JAK1: variants seen among roughly 807,000 people sequenced by gnomAD.
JAK1 encodes tyrosine-protein kinase JAK1.
A neutral mutation model predicts 136.6 loss-of-function variants in JAK1; 16 were observed. The ratio of observed to expected loss-of-function variants is 0.12; its 90% CI spans 0.08 to 0.18. JAK1 has a LOEUF of 0.18. Ranked by LOEUF, JAK1 falls within the 10% of genes least tolerant of loss-of-function variation. The pLI is 1.00. For synonymous variants in JAK1, 492 were observed against 519.5 expected (o/e 0.95, Z 0.72); for missense variants, 859 against 1,450.1 (o/e 0.59, Z 6.62).
intron 2 of JAK1, among the ~76,000 whole-genome samples, chr1:65,014,140 T>C (rs1468222058): frequency 6.6e-6 from 1 of 152,034 alleles, no homozygotes; most frequent in African/African-American, 2.4e-5. Flanking sequence ...AGAAATACAA[T>C]ATATGAAAGA....
chr1:64,896,316 T>C (rs1645012825), intron 1 of JAK1, among the ~76,000 whole-genome samples: 1 of 152,250 alleles, frequency 6.6e-6, no homozygotes, highest in East Asian at 1.9e-4. Flanking sequence ...AGTATCAAAC[T>C]ATTTAGTGGC....
intron 2 of JAK1, chr1:64,979,975 T>TCTTCC (rs1182386898): frequency 6.6e-6 from 1 of 152,184 alleles, no homozygotes; most frequent in Admixed American, 6.5e-5. Flanking sequence ...ACGTGTATTG[T>TCTTCC]CTTCCCTCAA....
chr1:64,938,764 T>C lies in JAK1; in HGVS notation c.-78+27569A>G, dbSNP rs534163151. On this transcript the variant is annotated intron_variant, in intron 1 of 24. Coordinates refer to ENST00000342505, the MANE Select transcript of JAK1 (RefSeq NM_002227.4). Reference sequence around the variant, plus strand: ...AAAGAAACTGAGAAATGCCTCCTCATGAAGTCTCTCTTAATATTTTATGTC... The same window carrying C: ...AAAGAAACTGAGAAATGCCTCCTCACGAAGTCTCTCTTAATATTTTATGTC... Among the ~76,000 whole-genome samples the C allele has an allele frequency of 1.9e-4, 29 of 152,332 alleles. No homozygotes were observed. The South Asian group carries it at 2.7e-3, about 14-fold the overall frequency.
At chr1:64,908,259 T>C (rs764414338) in intron 1 of JAK1, among the ~76,000 whole-genome samples, 2 of 152,214 alleles carry the variant, frequency 1.3e-5, no homozygotes, top group Non-Finnish European at 2.9e-5. Flanking sequence ...ATAAGGCTTA[T>C]AAGGCTAGTT....
chr1:64,835,510 T>C lies in JAK1; in HGVS notation c.3259-4A>G. 1.3e-6 allele frequency: 2 copies of C among 1,531,062 alleles called. No individual in the cohort carries two copies. The highest frequency in any genetic ancestry group is 1.2e-5 in the South Asian group (1 of 84,956). The allele number at this position is 1,531,062 out of a possible 1,614,324, so 94.8% of individuals were successfully genotyped here. A position where few individuals can be genotyped will look rare whatever the true frequency, so the allele number is the denominator to read the frequency against. On this transcript the variant is annotated splice_polypyrimidine_tract_variant and splice_region_variant and intron_variant, in intron 23 of 24. Coordinates refer to ENST00000342505, the MANE Select transcript of JAK1 (RefSeq NM_002227.4). Reference sequence around the variant, plus strand: ...GGCCTATCATTTTCAGGAACAACTATATAAAATAAAATCAAACAAAACGTT... The same window carrying C: ...GGCCTATCATTTTCAGGAACAACTACATAAAATAAAATCAAACAAAACGTT...
rs1389865246 is a variant in JAK1 at position 64,984,236 on chromosome 1, G to C, written c.-78+60244C>G. The stretch of plus-strand genomic sequence containing the variant: ...TAAACCCTGTCTGCCTTCCCACAGT[G>C]TGTGTGTATCTGCTTCCTGGTAAGT... On this transcript the variant is annotated intron_variant, in intron 2 of 25. Coordinates refer to the JAK1 transcript ENST00000671954. This position sits in a 1 kb window ranked among gnomAD's most constrained non-coding sequence, Gnocchi z 4.1. Among the ~76,000 whole-genome samples, 2 of 152,138 alleles carry C rather than the reference G, an allele frequency of 1.3e-5. No homozygotes were observed. Among genetic ancestry groups the C allele is most frequent in the African/African-American group, 4.8e-5 (2 of 41,410 alleles).
At chr1:64,851,628 C>T (rs937458038) in intron 11 of JAK1, among the ~76,000 whole-genome samples, 2 of 152,172 alleles carry the variant, frequency 1.3e-5, no homozygotes, top group Admixed American at 1.3e-4. Flanking sequence ...AAACCCAACA[C>T]ATTACAAAAT....
At chr1:64,875,032 T>A (rs1232182219) in intron 4 of JAK1, among the ~76,000 whole-genome samples, 2 of 152,220 alleles carry the variant, frequency 1.3e-5, no homozygotes, top group Non-Finnish European at 2.9e-5. Context: ...CCATAAAAAA[T>A]ATTACAAGTT....
At chr1:65,018,031 G>A (rs1022100798) in intron 2 of JAK1, among the ~76,000 whole-genome samples, 7 of 151,850 alleles carry the variant, frequency 4.6e-5, no homozygotes, top group Middle Eastern at 6.8e-3. Context: ...CGCTGGTCTC[G>A]AACTCCTGAT....
intron 22 of JAK1, 63 bp from the exon 23 acceptor site, chr1:64,836,278 G>A (rs1654472841): frequency 2.2e-6 from 2 of 911,054 alleles, no homozygotes; most frequent in Non-Finnish European, 3.6e-6. Flanking sequence ...CGACATTACA[G>A]GATAACTGAA....
In JAK1 at chr1:64,844,681, C is replaced by G; in HGVS notation, c.2251+73G>C. 1.3e-6 allele frequency: 2 copies of G among 1,583,032 alleles called. No individual in the cohort carries two copies. Among genetic ancestry groups the G allele is most frequent in the African/African-American group, 2.7e-5 (2 of 74,116 alleles). On this transcript the variant is annotated intron_variant, in intron 16 of 24. Coordinates refer to ENST00000342505, the MANE Select transcript of JAK1 (RefSeq NM_002227.4). This position sits in a 1 kb window ranked among gnomAD's most constrained non-coding sequence, Gnocchi z 5.7. ...TGACTCTCTAAAAGGAGACCAACCC[C>G]AGCCCAGCCCTTCTCTCTGCTGACT...
At chr1:64,891,722 T>A (rs1644939366) in intron 1 of JAK1, among the ~76,000 whole-genome samples, 2 of 152,212 alleles carry the variant, frequency 1.3e-5, no homozygotes. Flanking sequence ...CACAAGATAC[T>A]GTAAAGCTGA....
intron 2 of JAK1, among the ~76,000 whole-genome samples, chr1:65,021,780 T>C (rs561803413): frequency 6.6e-5 from 10 of 152,276 alleles, no homozygotes; most frequent in Middle Eastern, 3.4e-3. Flanking sequence ...TTCCATTTCA[T>C]TGGAACCATG....
chr1:64,955,086 G>A (rs1279197489), intron 1 of JAK1, among the ~76,000 whole-genome samples: 2 of 152,198 alleles, frequency 1.3e-5, no homozygotes, highest in Admixed American at 6.5e-5. Flanking sequence ...TCAGTAAAAT[G>A]TTTCCACTTT....
intron 1 of JAK1, among the ~76,000 whole-genome samples, chr1:65,065,879 C>T (rs1317151827): frequency 6.6e-6 from 1 of 151,614 alleles, no homozygotes; most frequent in Non-Finnish European, 1.5e-5. Context: ...GGGGTCACTT[C>T]TCTCTCTCCC....
chr1:64,871,118 T>C (rs992487982), intron 5 of JAK1, among the ~76,000 whole-genome samples: 33 of 152,292 alleles, frequency 2.2e-4, no homozygotes, highest in African/African-American at 7.2e-4. Context: ...CATCTAAAAA[T>C]GGCCAGTTCA....
At chr1:64,991,653 T>C (rs1646657986) in intron 2 of JAK1, 1 of 152,154 alleles carries the variant, frequency 6.6e-6, no homozygotes. Context: ...AGCATCCAAA[T>C]GGGAAAGAAA....
chr1:65,059,018 A>G (rs1444971076), intron 1 of JAK1, among the ~76,000 whole-genome samples: 1 of 152,094 alleles, frequency 6.6e-6, no homozygotes, highest in East Asian at 1.9e-4. Flanking sequence ...AACATTCAAA[A>G]CTGCTCTATA....
At position 65,050,277 on chromosome 1, in the gene JAK1, T is replaced by C. The variant is rs555538388; in HGVS notation, c.-180-5695A>G. Among the ~76,000 whole-genome samples, 211 of 152,328 alleles carry C rather than the reference T, an allele frequency of 1.4e-3. 12 individuals are homozygous for C. In the South Asian group the frequency reaches 0.042, roughly 30 times the overall value. On this transcript the variant is annotated intron_variant, in intron 1 of 25. Coordinates refer to the JAK1 transcript ENST00000671954. Reference sequence around the variant, plus strand: ...GCCATCTAACGAGACATTAAAAATATGCACCCGCAACACACGTGATTCAAC... The same window carrying C: ...GCCATCTAACGAGACATTAAAAATACGCACCCGCAACACACGTGATTCAAC...
Sources: gnomAD v4.1 joint callset for allele counts (sites outside exome capture counted in the v4.1 genomes callset) on GRCh38, gnomAD v4.1.1 for gene constraint, Gnocchi (gnomAD v3.1) non-coding constraint, MANE v1.5 for transcripts, NCBI Gene and HGNC (gene_info 2026-07-23, HGNC 2026-07-21) for gene names.